The following FAXC variants were observed in gnomAD, a reference collection of about 807,000 sequenced individuals.
FAXC encodes the protein failed axon connections homolog, metaxin like GST domain containing, also known as failed axon connections homolog.
In FAXC, 10 loss-of-function variants were observed where a neutral mutation model predicts 41.9. The ratio of observed to expected loss-of-function variants is 0.24; its 90% CI spans 0.15 to 0.41. The LOEUF (loss-of-function observed/expected upper bound fraction) is 0.41, where lower values mean the gene tolerates loss of function less well. FAXC is among the 10% of genes least tolerant of loss of function. The pLI is 1.00. For synonymous variants in FAXC, 183 were observed against 183.8 expected (o/e 1.00, Z 0.03); for missense variants, 399 against 510.9 (o/e 0.78, Z 2.11).
chr6:99,300,581 G>C (rs952659712), intron 4 of FAXC, among the ~76,000 whole-genome samples: 1 of 152,206 alleles, frequency 6.6e-6, no homozygotes, highest in Non-Finnish European at 1.5e-5. Flanking sequence ...CTGAAATGGT[G>C]AGATTTGAGG....
rs1770640341 is a variant in FAXC at position 99,276,711 on chromosome 6, T to C, written c.*4453A>G. 1 of 152,172 alleles carries C rather than the reference T, an allele frequency of 6.6e-6. No individual in the cohort carries two copies. Among genetic ancestry groups the C allele is most frequent in the Non-Finnish European group, 1.5e-5 (1 of 68,020 alleles). 9.4% of individuals were successfully genotyped at this position (152,172 alleles called of 1,614,324 possible). On this transcript the variant is annotated 3_prime_UTR_variant, in exon 6 of 6. Coordinates refer to ENST00000389677, the MANE Select transcript of FAXC (RefSeq NM_032511.4). ...TGGGAACAAGACTCTTTAACTGGGG[T>C]CCATTAACCCCCTGAGGAAACCATG...
At chr6:99,311,704 T>A (rs1772165610) in intron 4 of FAXC, among the ~76,000 whole-genome samples, 1 of 152,224 alleles carries the variant, frequency 6.6e-6, no homozygotes. Context: ...ATCATGACAG[T>A]GGTCATCCAA....
At chr6:99,312,659 A>G (rs1772194432) in intron 4 of FAXC, among the ~76,000 whole-genome samples, 1 of 152,194 alleles carries the variant, frequency 6.6e-6, no homozygotes, top group Admixed American at 6.5e-5. Context: ...AACAAAAATC[A>G]GAGACTCCAG....
chr6:99,298,882 T>C (rs536227769), intron 4 of FAXC, among the ~76,000 whole-genome samples: 1 of 152,270 alleles, frequency 6.6e-6, no homozygotes, highest in Non-Finnish European at 1.5e-5. Flanking sequence ...TCTCCAAGTG[T>C]AGGAATCCCT....
intron 2 of FAXC, 69 bp downstream of exon 2, chr6:99,342,829 C>G: frequency 6.9e-7 from 1 of 1,453,424 alleles, no homozygotes; most frequent in Admixed American, 2.2e-5. Context: ...GAAATATTCC[C>G]CCCTTTAGTT....
At position 99,276,307 on chromosome 6, in the gene FAXC, T is replaced by C. The variant is rs2128444536; in HGVS notation, c.*4857A>G. 1 of 152,304 alleles carries C rather than the reference T, an allele frequency of 6.6e-6. No homozygotes were observed. The highest frequency in any genetic ancestry group is 1.5e-5 in the Non-Finnish European group (1 of 68,018). The allele number at this position is 152,304 out of a possible 1,614,324, so 9.4% of individuals were successfully genotyped here. The stretch of plus-strand genomic sequence containing the variant: ...AACCTGATTGTGCAGACCTTTCTTC[T>C]TTAAGGAAGAAAAATCCAGCCTCTT... On this transcript the variant is annotated 3_prime_UTR_variant, in exon 6 of 6. Coordinates refer to ENST00000389677, the MANE Select transcript of FAXC (RefSeq NM_032511.4).
chr6:99,299,167 T>C (rs1306506714), intron 4 of FAXC, among the ~76,000 whole-genome samples: 1 of 152,236 alleles, frequency 6.6e-6, no homozygotes, highest in Admixed American at 6.5e-5. Flanking sequence ...TTTTCATATA[T>C]ATCATTATGA....
At chr6:99,341,338 GA>G (rs1299955525) in intron 2 of FAXC, among the ~76,000 whole-genome samples, 2 of 151,974 alleles carry the variant, frequency 1.3e-5, no homozygotes, top group Non-Finnish European at 2.9e-5. Context: ...CCAATTAAAA[GA>G]CTCTCCAATT....
At chr6:99,281,944 G>A (rs1180086234) in intron 5 of FAXC, among the ~76,000 whole-genome samples, 1 of 152,194 alleles carries the variant, frequency 6.6e-6, no homozygotes. Context: ...CTGGAATAAC[G>A]GGGAAGGTAA....
Position 99,280,091 on chromosome 6 carries a change from C to T in FAXC, c.*1073G>A, listed in dbSNP as rs1031214489. 1 of 152,156 alleles carries T rather than the reference C, an allele frequency of 6.6e-6. No homozygotes were observed. The highest frequency in any genetic ancestry group is 2.4e-5 in the African/African-American group (1 of 41,430). The allele number at this position is 152,156 out of a possible 1,614,324, so 9.4% of individuals were successfully genotyped here. On this transcript the variant is annotated 3_prime_UTR_variant, in exon 6 of 6. Coordinates refer to ENST00000389677, the MANE Select transcript of FAXC (RefSeq NM_032511.4). Reference sequence around the variant, plus strand: ...TCTCAAATAAATCAAACATAGGCAACGTAACACTCTGGAGTCAACACAGAA... The same window carrying T: ...TCTCAAATAAATCAAACATAGGCAATGTAACACTCTGGAGTCAACACAGAA...
intron 1 of FAXC, among the ~76,000 whole-genome samples, chr6:99,348,859 C>G (rs553725076): frequency 8.1e-4 from 123 of 152,312 alleles, no homozygotes; most frequent in African/African-American, 2.9e-3. Context: ...TAGATAACGA[C>G]AAGTGACCCA....
At chr6:99,343,225 G>A (rs1582692061) in intron 1 of FAXC, among the ~76,000 whole-genome samples, 192 bp from the exon 2 acceptor site, 1 of 152,088 alleles carries the variant, frequency 6.6e-6, no homozygotes, top group East Asian at 1.9e-4. Flanking sequence ...TGGAAGCTTA[G>A]TCAAAACTCA....
intron 3 of FAXC, among the ~76,000 whole-genome samples, chr6:99,332,760 G>A (rs1186643416): frequency 6.6e-6 from 1 of 152,146 alleles, no homozygotes; most frequent in East Asian, 1.9e-4. Flanking sequence ...ATTCTATCTT[G>A]ACTTAGTCTT....
intron 2 of FAXC, among the ~76,000 whole-genome samples, chr6:99,335,551 C>G (rs369546526): frequency 6.6e-6 from 1 of 152,162 alleles, no homozygotes; most frequent in South Asian, 2.1e-4. Flanking sequence ...ATCAGCAAAT[C>G]GGGCATCAGT....
At chr6:99,310,131 T>C (rs1772100986) in intron 4 of FAXC, among the ~76,000 whole-genome samples, 2 of 152,172 alleles carry the variant, frequency 1.3e-5, no homozygotes, top group African/African-American at 4.8e-5. Flanking sequence ...CAAAAAAGTC[T>C]ACTGTCTAGG....
chr6:99,343,852 G>T (rs1352574715), intron 1 of FAXC, among the ~76,000 whole-genome samples: 1 of 152,102 alleles, frequency 6.6e-6, no homozygotes, highest in Admixed American at 6.6e-5. Flanking sequence ...CTTATTTTCT[G>T]CCTTCCCAGT....
In FAXC at chr6:99,280,542, G is replaced by C. The variant is rs891654792; in HGVS notation, c.*622C>G. On this transcript the variant is annotated 3_prime_UTR_variant, in exon 6 of 6. Transcript: ENST00000389677. Reference sequence around the variant, plus strand: ...TCCCCACTTTACAGGTGGGAGAAATGAGGCACCCAATAGTTAATAAGAGAT... The same window carrying C: ...TCCCCACTTTACAGGTGGGAGAAATCAGGCACCCAATAGTTAATAAGAGAT... 2 of 152,670 alleles carry C rather than the reference G, an allele frequency of 1.3e-5. No individual in the cohort carries two copies. Among genetic ancestry groups the C allele is most frequent in the African/African-American group, 4.8e-5 (2 of 41,472 alleles). The allele number at this position is 152,670 out of a possible 1,614,324, so 9.5% of individuals were successfully genotyped here.
chr6:99,317,106 T>C (rs978743061), intron 4 of FAXC, among the ~76,000 whole-genome samples: 4 of 152,104 alleles, frequency 2.6e-5, no homozygotes, highest in Non-Finnish European at 5.9e-5. Context: ...CTCAATAAAA[T>C]GCTGTAGCCT....
chr6:99,335,301 A>G (rs1430421480), intron 2 of FAXC, among the ~76,000 whole-genome samples: 1 of 152,214 alleles, frequency 6.6e-6, no homozygotes, highest in African/African-American at 2.4e-5. Context: ...AATAAATCAT[A>G]AGTGTTAGAA....
Sources: gnomAD v4.1 joint callset for allele counts (sites outside exome capture counted in the v4.1 genomes callset) on GRCh38, gnomAD v4.1.1 for gene constraint, MANE v1.5 for transcripts, NCBI Gene and HGNC (gene_info 2026-07-23, HGNC 2026-07-21) for gene names.